Variants in SLC7A14 observed in about 807,000 individuals in gnomAD.
SLC7A14 encodes solute carrier family 7 member 14.
Under a neutral mutation model 60.2 loss-of-function variants are expected in SLC7A14, and 37 were observed. The ratio of observed to expected loss-of-function variants is 0.61; its 90% CI spans 0.47 to 0.81. SLC7A14 has a LOEUF of 0.81. SLC7A14 is among the 30% of genes least tolerant of loss of function. The probability of loss-of-function intolerance (pLI) is 0.00; values close to 1 mark genes in which losing one functional copy is unlikely to be tolerated. For synonymous variants in SLC7A14, 399 were observed against 395.8 expected (o/e 1.01, Z -0.10); for missense variants, 886 against 982.7 (o/e 0.90, Z 1.32).
chr3:170,564,872 G>C (rs1423664700), intron 1 of SLC7A14, among the ~76,000 whole-genome samples: 1 of 152,184 alleles, frequency 6.6e-6, no homozygotes, highest in Non-Finnish European at 1.5e-5. Flanking sequence ...TGGCAACTAA[G>C]TCTTTCCTGT....
At position 170,459,574 on chromosome 3, in the gene SLC7A14, C is replaced by T. The variant is rs539610640; in HGVS notation, c.*7481G>A. On this transcript the variant is annotated 3_prime_UTR_variant, in exon 8 of 8. Transcript: ENST00000231706. ...TTCTTCAAATTTAAATTTTATTAGT[C>T]GATTAGCTGTACTTTTTAAAATGTT... The T allele has an allele frequency of 2.0e-5, 3 of 152,204 alleles. No homozygotes were observed. Among genetic ancestry groups the T allele is most frequent in the South Asian group, 4.2e-4 (2 of 4,816 alleles). The allele number at this position is 152,204 out of a possible 1,614,324, so 9.4% of individuals were successfully genotyped here.
At chr3:170,471,431 C>T (rs949269392) in intron 7 of SLC7A14, among the ~76,000 whole-genome samples, 1 of 152,070 alleles carries the variant, frequency 6.6e-6, no homozygotes, top group African/African-American at 2.4e-5. Context: ...AAACAAATCC[C>T]TTCTATCATA....
intron 1 of SLC7A14, among the ~76,000 whole-genome samples, chr3:170,565,970 T>C (rs951096503): frequency 5.3e-5 from 8 of 152,162 alleles, no homozygotes; most frequent in African/African-American, 1.9e-4. Context: ...TTGAATTGAA[T>C]ATGATTCATG....
intron 2 of SLC7A14, among the ~76,000 whole-genome samples, chr3:170,510,901 G>A (rs1055708839): frequency 7.2e-5 from 11 of 152,212 alleles, no homozygotes; most frequent in African/African-American, 2.4e-4. Flanking sequence ...CTCACTGTAC[G>A]TGGTTTCACA....
At chr3:170,578,069 G>A (rs1191767552) in intron 1 of SLC7A14, among the ~76,000 whole-genome samples, 1 of 152,224 alleles carries the variant, frequency 6.6e-6, no homozygotes, top group Non-Finnish European at 1.5e-5. Flanking sequence ...AAAGGCAGAA[G>A]CTAGAAGACT....
At chr3:170,480,171 G>T in intron 7 of SLC7A14, 118 bp downstream of exon 7, 2 of 1,104,688 alleles carry the variant, frequency 1.8e-6, no homozygotes, top group African/African-American at 1.6e-5. Context: ...AGGGTCCATA[G>T]AACCAGCCAG....
chr3:170,475,156 A>G (rs1263505389), intron 7 of SLC7A14, among the ~76,000 whole-genome samples: 1 of 152,132 alleles, frequency 6.6e-6, no homozygotes, highest in African/African-American at 2.4e-5. Flanking sequence ...GAAAAGAAAC[A>G]TGTGCTGGAT....
chr3:170,566,326 G>A (rs1178674091), intron 1 of SLC7A14, among the ~76,000 whole-genome samples: 2 of 152,156 alleles, frequency 1.3e-5, no homozygotes. Flanking sequence ...TGGGAGACTG[G>A]AGTCAGGTGT....
In SLC7A14 at chr3:170,582,762, T is replaced by C. The variant is rs1715270458; in HGVS notation, c.-153+3149A>G. ...AGATGAGAGAGCAAAACAGTGTCAT[T>C]TGAACTGAATTTGAATTTCTAAATG... is the stretch of plus-strand genomic sequence containing the variant. On this transcript the variant is annotated intron_variant, in intron 1 of 7. Coordinates refer to ENST00000231706, the MANE Select transcript of SLC7A14 (RefSeq NM_020949.3). Among the ~76,000 whole-genome samples, 2 of 152,186 alleles carry C rather than the reference T, an allele frequency of 1.3e-5. 1 individual carries two copies. The highest frequency in any genetic ancestry group is 3.8e-4 in the East Asian group (2 of 5,202).
In SLC7A14 at chr3:170,535,454, C is replaced by A. The variant is rs1713810099; in HGVS notation, c.-152-8366G>T. 6.6e-6 allele frequency among the ~76,000 whole-genome samples: 1 copy of A among 152,016 alleles called. No homozygotes were observed. The highest frequency in any genetic ancestry group is 2.4e-5 in the African/African-American group (1 of 41,390). On this transcript the variant is annotated intron_variant, in intron 1 of 7. Transcript: ENST00000231706. This position sits in a 1 kb window ranked among gnomAD's most constrained non-coding sequence, Gnocchi z 4.3. Reference sequence around the variant, plus strand: ...TTTAGTTCAATGGTAGCTGTTATGGCCATAAAATAAATTATTGTAATCTAC... The same window carrying A: ...TTTAGTTCAATGGTAGCTGTTATGGACATAAAATAAATTATTGTAATCTAC...
intron 1 of SLC7A14, among the ~76,000 whole-genome samples, chr3:170,546,371 C>T (rs1230499432): frequency 6.6e-6 from 1 of 152,094 alleles, no homozygotes; most frequent in Admixed American, 6.5e-5. Flanking sequence ...CTTGATGCTT[C>T]CAATTTCCCT....
At chr3:170,515,631 G>A (rs189400998) in intron 2 of SLC7A14, among the ~76,000 whole-genome samples, 23 of 151,934 alleles carry the variant, frequency 1.5e-4, no homozygotes, top group African/African-American at 4.6e-4. Context: ...TGTTGGGGTG[G>A]GGGGGGAGTT....
At chr3:170,484,632 G>A (rs531743619) in intron 5 of SLC7A14, among the ~76,000 whole-genome samples, 3 of 152,284 alleles carry the variant, frequency 2.0e-5, no homozygotes, top group African/African-American at 4.8e-5. Flanking sequence ...TTCCTCTGGA[G>A]CCAAGATCCT....
At position 170,526,937 on chromosome 3, in the gene SLC7A14, C is replaced by T; in HGVS notation, c.-1G>A. 6.2e-7 allele frequency: 1 copy of T among 1,611,646 alleles called. No homozygotes were observed. The highest frequency in any genetic ancestry group is 8.5e-7 in the Non-Finnish European group (1 of 1,178,982). Reference sequence around the variant, plus strand: ...CCAGCGAGGTGAAGAAGCCACTCATCTTGAGCGATAGGGGATGCAGTGAAG... The same window carrying T: ...CCAGCGAGGTGAAGAAGCCACTCATTTTGAGCGATAGGGGATGCAGTGAAG... On this transcript the variant is annotated 5_prime_UTR_variant, in exon 2 of 8. Transcript: ENST00000231706.
intron 1 of SLC7A14, among the ~76,000 whole-genome samples, chr3:170,579,895 G>C (rs1398041203): frequency 6.6e-6 from 1 of 152,202 alleles, no homozygotes; most frequent in Non-Finnish European, 1.5e-5. Context: ...GAAATGCAAG[G>C]CCCTTGGGCT....
chr3:170,467,466 AAAG>A, intron 7 of SLC7A14, 89 bp from the exon 8 acceptor site: 1 of 935,588 alleles, frequency 1.1e-6, no homozygotes. Flanking sequence ...TGATGAAATC[AAAG>A]CTGGCGGGGT....
intron 4 of SLC7A14, chr3:170,496,662 T>C (rs34170314): frequency 0.066 from 82,113 of 1,244,748 alleles, 3,838 homozygotes; most frequent in African/African-American, 0.2. Flanking sequence ...AGAACACGAG[T>C]ATCCATAGGA....
At position 170,565,410 on chromosome 3, in the gene SLC7A14, C is replaced by G. The variant is rs373995844; in HGVS notation, c.-153+20501G>C. On this transcript the variant is annotated intron_variant, in intron 1 of 7. Transcript: ENST00000231706. ...GGCTAAAGTTAAATAGAGGCAGTTGCAGATAAAAGACTGGGGGCTGCATGT... is the reference window on the plus strand; with the variant it reads ...GGCTAAAGTTAAATAGAGGCAGTTGGAGATAAAAGACTGGGGGCTGCATGT... 7.9e-5 allele frequency among the ~76,000 whole-genome samples: 12 copies of G among 152,256 alleles called. 1 individual carries two copies. The highest frequency in any genetic ancestry group is 1.9e-4 in the East Asian group (1 of 5,184).
At chr3:170,467,887 T>C (rs1035488227) in intron 7 of SLC7A14, among the ~76,000 whole-genome samples, 2 of 152,260 alleles carry the variant, frequency 1.3e-5, no homozygotes, top group East Asian at 1.9e-4. Flanking sequence ...CTCTATCTCA[T>C]GTTTCACCTC....
Sources: gnomAD v4.1 joint callset for allele counts (sites outside exome capture counted in the v4.1 genomes callset) on GRCh38, gnomAD v4.1.1 for gene constraint, Gnocchi (gnomAD v3.1) non-coding constraint, MANE v1.5 for transcripts, NCBI Gene and HGNC (gene_info 2026-07-23, HGNC 2026-07-21) for gene names.